ZNF536: variants seen among roughly 807,000 people sequenced by gnomAD.
ZNF536 encodes the protein zinc finger protein 536.
Under a neutral mutation model 84.5 loss-of-function variants are expected in ZNF536, and 13 were observed. The observed-to-expected ratio is 0.15, with a 90% CI of 0.10 to 0.24. The LOEUF (loss-of-function observed/expected upper bound fraction) is 0.24, where lower values mean the gene tolerates loss of function less well. Ranked by LOEUF, ZNF536 falls within the 10% of genes least tolerant of loss-of-function variation. The pLI, the probability that ZNF536 is intolerant of heterozygous loss-of-function variation, is 1.00. For synonymous variants in ZNF536, 811 were observed against 742.5 expected, an observed-to-expected ratio of 1.09 and a Z score of -1.50; for missense variants, 1,536 against 1,747.5, an observed-to-expected ratio of 0.88 and a Z score of 2.16.
In ZNF536 at chr19:30,659,936, C is replaced by T. The variant is rs1294727349; in HGVS notation, c.170-50821C>T. On this transcript the variant is annotated intron_variant, in intron 1 of 1. Transcript: ENST00000592773. Reference sequence around the variant, plus strand: ...TGATTATGTTCAGTCTTTGCTCCTACCCTGTTTGACACAAGGGTGTGTGTG... The same window carrying T: ...TGATTATGTTCAGTCTTTGCTCCTATCCTGTTTGACACAAGGGTGTGTGTG... 2.0e-5 allele frequency among the ~76,000 whole-genome samples: 3 copies of T among 149,562 alleles called. No individual in the cohort carries two copies. In the East Asian group the frequency reaches 5.8e-4, roughly 29 times the overall value.
chr19:30,505,605 A>T (rs1329910181), intron 2 of ZNF536, among the ~76,000 whole-genome samples: 3 of 152,028 alleles, frequency 2.0e-5, no homozygotes, highest in African/African-American at 7.2e-5. Flanking sequence ...TCAGAAAAGA[A>T]TCTGTTGAGG....
chr19:30,475,670 A>G (rs1207117019), intron 2 of ZNF536, among the ~76,000 whole-genome samples: 1 of 152,188 alleles, frequency 6.6e-6, no homozygotes, highest in Non-Finnish European at 1.5e-5. Flanking sequence ...GGGTACAGCC[A>G]CAGCCCACTG....
At chr19:30,446,248 C>CAAAAAAAAAAAAAA (rs1177505634) in intron 2 of ZNF536, among the ~76,000 whole-genome samples, 54 of 29,122 alleles carry the variant, frequency 1.9e-3, no homozygotes, top group South Asian at 5.0e-3. Context: ...GACACTGTCT[C>CAAAAAAAAAAAAAA]AAAAAAAAAA....
At chr19:30,386,949 TCA>T (rs982675061) in intron 1 of ZNF536, among the ~76,000 whole-genome samples, 3 of 152,222 alleles carry the variant, frequency 2.0e-5, no homozygotes, top group Non-Finnish European at 4.4e-5. Flanking sequence ...TTATCCAAAG[TCA>T]CAGCCTATCA....
intron 1 of ZNF536, among the ~76,000 whole-genome samples, chr19:30,425,733 T>G (rs143289361): frequency 1.3e-5 from 2 of 152,336 alleles, no homozygotes; most frequent in Admixed American, 1.3e-4. Flanking sequence ...AACCAATTAC[T>G]GAGGCTGGGG....
chr19:30,269,294 T>C (rs990915962), intron 1 of ZNF536, among the ~76,000 whole-genome samples: 1 of 152,046 alleles, frequency 6.6e-6, no homozygotes, highest in Non-Finnish European at 1.5e-5. Flanking sequence ...GAGGACTCAG[T>C]GGGAGGCTCT....
At chr19:30,567,165 AG>A (rs773025599) in intron 1 of ZNF536, among the ~76,000 whole-genome samples, 8 of 152,258 alleles carry the variant, frequency 5.3e-5, no homozygotes, top group Non-Finnish European at 1.0e-4. Flanking sequence ...ACCAACCAAA[AG>A]TACATAACAA....
intron 1 of ZNF536, among the ~76,000 whole-genome samples, chr19:30,381,289 A>G (rs1163718678): frequency 6.6e-6 from 1 of 152,188 alleles, no homozygotes; most frequent in South Asian, 2.1e-4. Context: ...TGTGCTGGGG[A>G]CTGGGTGACA....
At chr19:30,229,573 G>GGGT (rs1210843238) in intron 1 of ZNF536, among the ~76,000 whole-genome samples, 1 of 152,116 alleles carries the variant, frequency 6.6e-6, no homozygotes, top group Non-Finnish European at 1.5e-5. Flanking sequence ...GCGGGTGGTG[G>GGGT]GGGGGGCTCA....
At chr19:30,408,448 C>T (rs2050352687) in intron 1 of ZNF536, among the ~76,000 whole-genome samples, 1 of 152,202 alleles carries the variant, frequency 6.6e-6, no homozygotes, top group Non-Finnish European at 1.5e-5. Flanking sequence ...AGTACTCCAT[C>T]TGCATTATTT....
At chr19:30,651,411 A>G (rs2049701126) in intron 1 of ZNF536, among the ~76,000 whole-genome samples, 1 of 152,094 alleles carries the variant, frequency 6.6e-6, no homozygotes, top group South Asian at 2.1e-4. Context: ...TAACTCTTTC[A>G]CCGTGCAGAA....
At chr19:30,274,412 T>C (rs1484622322) in intron 1 of ZNF536, among the ~76,000 whole-genome samples, 1 of 152,230 alleles carries the variant, frequency 6.6e-6, no homozygotes, top group Non-Finnish European at 1.5e-5. Flanking sequence ...CATAATATTA[T>C]CATTTCAACA....
At chr19:30,661,356 G>C (rs1274320037) in intron 1 of ZNF536, among the ~76,000 whole-genome samples, 1 of 152,170 alleles carries the variant, frequency 6.6e-6, no homozygotes, top group Non-Finnish European at 1.5e-5. Context: ...TGTGATATAA[G>C]TCAGCAGATG....
intron 3 of ZNF536, among the ~76,000 whole-genome samples, chr19:30,365,789 T>G (rs1184163201): frequency 6.6e-6 from 1 of 152,218 alleles, no homozygotes; most frequent in African/African-American, 2.4e-5. Context: ...TTTAATAGTT[T>G]TTAAGTAGGC....
At chr19:30,275,941 G>A (rs1008062363) in intron 1 of ZNF536, among the ~76,000 whole-genome samples, 18 of 152,160 alleles carry the variant, frequency 1.2e-4, no homozygotes, top group Admixed American at 9.2e-4. Flanking sequence ...AACCTGCACT[G>A]AATCACCGGC....
intron 1 of ZNF536, among the ~76,000 whole-genome samples, chr19:30,595,556 G>A (rs1367330530): frequency 6.6e-6 from 1 of 152,118 alleles, no homozygotes; most frequent in African/African-American, 2.4e-5. Context: ...CCAAAGCACT[G>A]GGATTACAGT....
chr19:30,585,631 C>G (rs2047069530), intron 1 of ZNF536, among the ~76,000 whole-genome samples: 1 of 152,186 alleles, frequency 6.6e-6, no homozygotes, highest in Non-Finnish European at 1.5e-5. Flanking sequence ...GCCTTTTATG[C>G]ATCTAGAATC....
intron 2 of ZNF536, among the ~76,000 whole-genome samples, chr19:30,499,033 C>CT (rs36068422): frequency 0.039 from 5,300 of 134,384 alleles, 299 homozygotes; most frequent in African/African-American, 0.13. Flanking sequence ...TCTTTTTCTT[C>CT]TTTTTTTTTT....
At chr19:30,702,155 T>C (rs537756264) in intron 1 of ZNF536, among the ~76,000 whole-genome samples, 261 of 152,306 alleles carry the variant, frequency 1.7e-3, no homozygotes, top group Non-Finnish European at 3.0e-3. Context: ...CTACTCCCCC[T>C]TAGGTGCGGC....
Sources: allele counts gnomAD v4.1 joint callset (sites outside exome capture counted in the v4.1 genomes callset), GRCh38; gene constraint gnomAD v4.1.1; transcripts MANE v1.5; gene names NCBI Gene and HGNC (gene_info 2026-07-23, HGNC 2026-07-21).